The following CCSAP variants were observed in gnomAD, a reference collection of about 807,000 sequenced individuals.
CCSAP encodes the protein centriole, cilia and spindle associated protein.
In CCSAP, 17 loss-of-function variants were observed where a neutral mutation model predicts 25.9. The ratio of observed to expected loss-of-function variants is 0.66; its 90% CI spans 0.45 to 0.99. CCSAP has a LOEUF of 0.99. CCSAP is among the 50% of genes least tolerant of loss of function. CCSAP has a pLI of 0.00. For missense variants in CCSAP, 339 were observed against 367.8 expected, an observed-to-expected ratio of 0.92 and a Z score of 0.64; for synonymous variants, 169 against 157.1, an observed-to-expected ratio of 1.08 and a Z score of -0.57.
intron 2 of CCSAP, 100 bp downstream of exon 2, chr1:229,341,999 C>T: frequency 1.6e-6 from 2 of 1,236,028 alleles, no homozygotes; most frequent in Non-Finnish European, 2.0e-6. Context: ...AAGGAAGAGC[C>T]AGCCCCGAGT....
chr1:229,326,815 A>G lies in CCSAP; in HGVS notation c.559T>C (p.Tyr187His). Residue 187 changes from tyrosine to histidine, a missense_variant, in exon 3 of 4, where the codon TAT becomes CAT. Tyr to His is a moderately conservative substitution (Grantham distance 83). Transcript: ENST00000284617. ...IKENKHPFAL[Y>H]GWGEKQTDTG... ...TCGGTCTGTTTTTCTCCCCAGCCATAAAGAGCAAATGGATGCTTGTTTTCT... is the reference window on the plus strand; with the variant it reads ...TCGGTCTGTTTTTCTCCCCAGCCATGAAGAGCAAATGGATGCTTGTTTTCT... 1 of 1,614,220 alleles carries G rather than the reference A, an allele frequency of 6.2e-7. No homozygotes were observed. The highest frequency in any genetic ancestry group is 8.5e-7 in the Non-Finnish European group (1 of 1,180,042).
chr1:229,331,546 C>T lies in CCSAP; in HGVS notation c.368-4540G>A, dbSNP rs189744575. ...TCGTGGCTCCTAACTCCCATAGCCCCTGTTCCAGTCTTTTGTTATAATGTT... is the reference window on the plus strand; with the variant it reads ...TCGTGGCTCCTAACTCCCATAGCCCTTGTTCCAGTCTTTTGTTATAATGTT... On this transcript the variant is annotated intron_variant, in intron 2 of 3. Coordinates refer to ENST00000284617, the MANE Select transcript of CCSAP (RefSeq NM_145257.5). Among the ~76,000 whole-genome samples the T allele has an allele frequency of 9.9e-5, 15 of 152,168 alleles. No individual in the cohort carries two copies. The East Asian group carries it at 2.7e-3, about 27-fold the overall frequency.
At chr1:229,332,149 A>G (rs1277632361) in intron 2 of CCSAP, among the ~76,000 whole-genome samples, 1 of 152,000 alleles carries the variant, frequency 6.6e-6, no homozygotes, top group African/African-American at 2.4e-5. Context: ...GGCCTCTAGT[A>G]TCCTTTATAA....
Position 229,324,899 on chromosome 1 carries a change from GA to G in CCSAP, c.*335del. 5.1e-6 allele frequency: 1 copy of G among 197,036 alleles called. No individual in the cohort carries two copies. Among genetic ancestry groups the G allele is most frequent in the East Asian group, 1.4e-4 (1 of 7,256 alleles). The allele number at this position is 197,036 out of a possible 1,614,324, so 12.2% of individuals were successfully genotyped here. On this transcript the variant is annotated 3_prime_UTR_variant, in exon 4 of 4. Transcript: ENST00000284617. ...TACCTAAGCTTATGAAAAGAATACT[GA>G]ACTGTAAGCATCTGTTGCCATTTAA... is the stretch of plus-strand genomic sequence containing the variant.
chr1:229,339,902 G>T (rs1658289267), intron 2 of CCSAP, among the ~76,000 whole-genome samples: 1 of 152,032 alleles, frequency 6.6e-6, no homozygotes, highest in Non-Finnish European at 1.5e-5. Flanking sequence ...TGTGTGTGTG[G>T]GTGAGGAGAG....
intron 2 of CCSAP, among the ~76,000 whole-genome samples, chr1:229,332,173 A>G (rs1041225483): frequency 6.6e-6 from 1 of 151,754 alleles, no homozygotes; most frequent in African/African-American, 2.4e-5. Flanking sequence ...ACTGGCAAAC[A>G]TTAAGTGTTT....
chr1:229,342,188 G>A lies in CCSAP; in HGVS notation c.278C>T (p.Ala93Val), dbSNP rs1658351221. Residue 93 changes from alanine (A) to valine (V), a missense_variant, in exon 2 of 4, where the codon GCG (alanine) becomes GTG (valine). By Grantham distance (64) the Ala-to-Val change is moderately conservative (BLOSUM62 0). Coordinates refer to ENST00000284617, the MANE Select transcript of CCSAP (RefSeq NM_145257.5). The surrounding 1 kb of genome is among the most constrained non-coding windows in gnomAD (Gnocchi z 7.5). Reference sequence around the variant, plus strand: ...CGGGGCCCCGCGCGCCCGCCGTTCCGCCTCCTCCTGGGTCGCCGGCTCTAC... The same window carrying A: ...CGGGGCCCCGCGCGCCCGCCGTTCCACCTCCTCCTGGGTCGCCGGCTCTAC... ...PPVEPATQEE[A>V]ERRARGAPEE... 2.3e-6 allele frequency: 3 copies of A among 1,280,072 alleles called. No homozygotes were observed. The highest frequency in any genetic ancestry group is 2.0e-6 in the Non-Finnish European group (2 of 1,014,644). The allele number at this position is 1,280,072 out of a possible 1,614,324, so 79.3% of individuals were successfully genotyped here.
In CCSAP at chr1:229,322,373, A is replaced by G. The variant is rs1168507184; in HGVS notation, c.*2862T>C. On this transcript the variant is annotated 3_prime_UTR_variant, in exon 4 of 4. Coordinates refer to ENST00000284617, the MANE Select transcript of CCSAP (RefSeq NM_145257.5). ...AGCAATTGATCTTCGATGAAACACA[A>G]TGACAAAGATATTACATATGAAATG... 1 of 152,236 alleles carries G rather than the reference A, an allele frequency of 6.6e-6. No homozygotes were observed. The highest frequency in any genetic ancestry group is 1.5e-5 in the Non-Finnish European group (1 of 68,042). 9.4% of individuals were successfully genotyped at this position (152,236 alleles called of 1,614,324 possible).
intron 2 of CCSAP, among the ~76,000 whole-genome samples, chr1:229,330,184 C>T (rs1658034694): frequency 6.6e-6 from 1 of 152,298 alleles, no homozygotes; most frequent in Non-Finnish European, 1.5e-5. Flanking sequence ...TGTGGGCGCT[C>T]GGTTCTGTGG....
chr1:229,332,077 AGG>A (rs1658082173), intron 2 of CCSAP, among the ~76,000 whole-genome samples: 1 of 152,086 alleles, frequency 6.6e-6, no homozygotes, highest in African/African-American at 2.4e-5. Context: ...TCCTGACTTC[AGG>A]TGATCCACCC....
At chr1:229,336,611 C>T (rs1255182566) in intron 2 of CCSAP, among the ~76,000 whole-genome samples, 1 of 152,068 alleles carries the variant, frequency 6.6e-6, no homozygotes, top group African/African-American at 2.4e-5. Context: ...AGGCATCCCC[C>T]GTGCACAGAC....
intron 2 of CCSAP, among the ~76,000 whole-genome samples, chr1:229,333,596 A>G (rs1244061080): frequency 6.6e-6 from 1 of 151,302 alleles, no homozygotes; most frequent in African/African-American, 2.4e-5. Flanking sequence ...TCAGTTAAAG[A>G]AGGCCAGGCG....
intron 2 of CCSAP, among the ~76,000 whole-genome samples, chr1:229,328,346 G>C (rs1657994497): frequency 6.6e-6 from 1 of 152,110 alleles, no homozygotes; most frequent in South Asian, 2.1e-4. Flanking sequence ...TGTTGCCCAG[G>C]CTGGAGTGCA....
chr1:229,336,114 G>T (rs552911834), intron 2 of CCSAP, among the ~76,000 whole-genome samples: 1 of 148,332 alleles, frequency 6.7e-6, no homozygotes, highest in Non-Finnish European at 1.5e-5. Context: ...AATATCCACG[G>T]ATTTTGGTAT....
intron 2 of CCSAP, among the ~76,000 whole-genome samples, chr1:229,331,876 C>T (rs139463076): frequency 0.014 from 2,144 of 150,786 alleles, 63 homozygotes; most frequent in African/African-American, 0.049. Context: ...AGTGCAATGG[C>T]GCGATCTCAG....
intron 2 of CCSAP, among the ~76,000 whole-genome samples, chr1:229,333,235 A>G (rs549923945): frequency 2.0e-5 from 3 of 151,844 alleles, no homozygotes; most frequent in Admixed American, 6.6e-5. Flanking sequence ...GATAGAGACC[A>G]TCCTGGGTAA....
intron 2 of CCSAP, among the ~76,000 whole-genome samples, chr1:229,332,900 A>T (rs1246715333): frequency 6.6e-6 from 1 of 152,218 alleles, no homozygotes; most frequent in East Asian, 1.9e-4. Flanking sequence ...GTATTTAAAC[A>T]GAATTAATAA....
rs1657858779 is a variant in CCSAP, at chr1:229,322,862, A to C, written c.*2373T>G. ...TTAAAAAGAGTTTTATGTAGCATTT[A>C]TTTTAAATATCATTGGGTTCTCTGT... On this transcript the variant is annotated 3_prime_UTR_variant, in exon 4 of 4. Coordinates refer to ENST00000284617, the MANE Select transcript of CCSAP (RefSeq NM_145257.5). 6.6e-6 allele frequency: 1 copy of C among 152,232 alleles called. No homozygotes were observed. Among genetic ancestry groups the C allele is most frequent in the Non-Finnish European group, 1.5e-5 (1 of 68,046 alleles). 9.4% of individuals were successfully genotyped at this position (152,232 alleles called of 1,614,324 possible).
intron 2 of CCSAP, among the ~76,000 whole-genome samples, chr1:229,340,821 T>C (rs1011004940): frequency 1.3e-5 from 2 of 152,216 alleles, no homozygotes; most frequent in African/African-American, 4.8e-5. Flanking sequence ...AGAGTCTGAT[T>C]GGCTTGCAAT....
Sources: allele counts gnomAD v4.1 joint callset (sites outside exome capture counted in the v4.1 genomes callset), GRCh38; gene constraint gnomAD v4.1.1; non-coding constraint Gnocchi (gnomAD v3.1); transcripts MANE v1.5; gene names NCBI Gene and HGNC (gene_info 2026-07-23, HGNC 2026-07-21).